The following CCDC148 variants were observed in gnomAD, a reference collection of about 807,000 sequenced individuals.
CCDC148 encodes the protein coiled-coil domain containing 148.
CCDC148 carries 89 observed loss-of-function variants against 85.7 expected under a neutral mutation model. The ratio of observed to expected loss-of-function variants is 1.04; its 90% CI spans 0.87 to 1.24. The LOEUF is 1.24. Ranked by LOEUF, CCDC148 falls within the 50% of genes most tolerant of loss-of-function variation. The pLI is 0.00. For missense variants in CCDC148, 692 were observed against 671.7 expected (o/e 1.03, Z -0.33); for synonymous variants, 230 against 213.9 (o/e 1.08, Z -0.66).
intron 11 of CCDC148, among the ~76,000 whole-genome samples, chr2:158,204,084 A>G (rs1686105306): frequency 6.6e-6 from 1 of 152,192 alleles, no homozygotes; most frequent in South Asian, 2.1e-4. Context: ...AGATTCCTCT[A>G]CTCAATGAAT....
intron 1 of CCDC148, among the ~76,000 whole-genome samples, chr2:158,396,482 G>A (rs1685528121): frequency 5.9e-5 from 9 of 152,002 alleles, no homozygotes; most frequent in Admixed American, 5.9e-4. Flanking sequence ...CTTCTGAACT[G>A]GCTCCTATAG....
At chr2:158,306,742 G>T (rs2105205520) in intron 9 of CCDC148, among the ~76,000 whole-genome samples, 1 of 151,830 alleles carries the variant, frequency 6.6e-6, no homozygotes, top group South Asian at 2.1e-4. Flanking sequence ...ATGAGTTAAT[G>T]GGTGCAGCAC....
At chr2:158,338,654 G>C (rs182534397) in intron 7 of CCDC148, 72 bp downstream of exon 7, 52 of 1,066,634 alleles carry the variant, frequency 4.9e-5, no homozygotes, top group South Asian at 3.8e-4. Context: ...TAAGTTGGAA[G>C]TATAGTGATC....
chr2:158,385,926 G>A (rs919236753), intron 1 of CCDC148, among the ~76,000 whole-genome samples: 4 of 152,098 alleles, frequency 2.6e-5, no homozygotes, highest in Admixed American at 6.6e-5. Context: ...CCTCTGCACT[G>A]TCTCCCTGGT....
chr2:158,226,830 C>A (rs1010246979), intron 10 of CCDC148, among the ~76,000 whole-genome samples: 1 of 152,058 alleles, frequency 6.6e-6, no homozygotes, highest in African/African-American at 2.4e-5. Flanking sequence ...CTATCTATGA[C>A]AAACCCACAG....
intron 1 of CCDC148, among the ~76,000 whole-genome samples, chr2:158,430,757 C>A (rs1026346848): frequency 6.6e-6 from 1 of 151,284 alleles, no homozygotes; most frequent in South Asian, 2.1e-4. Flanking sequence ...TTAAAAAGCA[C>A]AAAAAATCCA....
intron 9 of CCDC148, among the ~76,000 whole-genome samples, chr2:158,261,170 C>A (rs1388196207): frequency 6.6e-6 from 1 of 151,854 alleles, no homozygotes; most frequent in Non-Finnish European, 1.5e-5. Context: ...CAAAAACAGG[C>A]ACATAAACCA....
chr2:158,423,651 C>T (rs1686920076), intron 1 of CCDC148, among the ~76,000 whole-genome samples: 1 of 152,126 alleles, frequency 6.6e-6, no homozygotes, highest in African/African-American at 2.4e-5. Flanking sequence ...AGGACATAGG[C>T]ATGGGCAAAG....
chr2:158,326,229 C>A (rs1692767124), intron 7 of CCDC148, among the ~76,000 whole-genome samples: 1 of 152,094 alleles, frequency 6.6e-6, no homozygotes, highest in South Asian at 2.1e-4. Flanking sequence ...ATATTTTTAC[C>A]CAAATATCTG....
chr2:158,216,657 GA>G (rs1686881320), intron 11 of CCDC148, among the ~76,000 whole-genome samples: 1 of 152,086 alleles, frequency 6.6e-6, no homozygotes, highest in South Asian at 2.1e-4. Flanking sequence ...TTGAACAACA[GA>G]AATTTATTTT....
intron 1 of CCDC148, among the ~76,000 whole-genome samples, chr2:158,386,751 T>C (rs1685102236): frequency 6.6e-6 from 1 of 152,120 alleles, no homozygotes; most frequent in South Asian, 2.1e-4. Flanking sequence ...AGTCACCAAA[T>C]TGCCCATTTC....
chr2:158,443,373 C>A (rs951137406), intron 1 of CCDC148, among the ~76,000 whole-genome samples: 1 of 151,436 alleles, frequency 6.6e-6, no homozygotes, highest in Non-Finnish European at 1.5e-5. Flanking sequence ...GTGTAGTGGC[C>A]TGTGCCTGTG....
At chr2:158,198,196 C>A (rs1685773851) in intron 11 of CCDC148, among the ~76,000 whole-genome samples, 1 of 152,124 alleles carries the variant, frequency 6.6e-6, no homozygotes, top group Non-Finnish European at 1.5e-5. Flanking sequence ...CCCTGGCACC[C>A]CCTACCTGGT....
chr2:158,254,324 C>T (rs746174801), intron 9 of CCDC148, among the ~76,000 whole-genome samples: 10 of 151,498 alleles, frequency 6.6e-5, no homozygotes, highest in South Asian at 2.1e-4. Context: ...TGTTCTATAA[C>T]GTTAGAGATA....
At chr2:158,280,274 C>T (rs1017954062) in intron 9 of CCDC148, among the ~76,000 whole-genome samples, 5 of 152,084 alleles carry the variant, frequency 3.3e-5, no homozygotes, top group African/African-American at 7.2e-5. Context: ...TCACACATAA[C>T]AATATTAGCT....
At chr2:158,361,831 T>A (rs1039701577) in intron 1 of CCDC148, among the ~76,000 whole-genome samples, 1 of 152,204 alleles carries the variant, frequency 6.6e-6, no homozygotes, top group South Asian at 2.1e-4. Flanking sequence ...TAACCTTAAC[T>A]GTAAATGGGC....
intron 1 of CCDC148, among the ~76,000 whole-genome samples, chr2:158,378,017 T>G (rs77432849): frequency 6.6e-6 from 1 of 151,990 alleles, no homozygotes; most frequent in Non-Finnish European, 1.5e-5. Flanking sequence ...TAGTACATCT[T>G]TAACTTAGAA....
chr2:158,313,578 C>G (rs764816244), intron 8 of CCDC148, among the ~76,000 whole-genome samples, 178 bp downstream of exon 8: 3 of 152,110 alleles, frequency 2.0e-5, no homozygotes, highest in Non-Finnish European at 2.9e-5. Flanking sequence ...ATGGACAGGA[C>G]AAACTTGAAA....
At chr2:158,211,975 C>T (rs1686603360) in intron 11 of CCDC148, among the ~76,000 whole-genome samples, 2 of 152,210 alleles carry the variant, frequency 1.3e-5, no homozygotes, top group Non-Finnish European at 2.9e-5. Flanking sequence ...TGAACACACA[C>T]ATCTCCCACA....
Sources: gnomAD v4.1 joint callset for allele counts (sites outside exome capture counted in the v4.1 genomes callset) on GRCh38, gnomAD v4.1.1 for gene constraint, MANE v1.5 for transcripts, NCBI Gene and HGNC (gene_info 2026-07-23, HGNC 2026-07-21) for gene names.